Variants in L3MBTL4 observed in about 807,000 individuals in gnomAD.
L3MBTL4 encodes L3MBTL histone methyl-lysine binding protein 4.
A neutral mutation model predicts 84.5 loss-of-function variants in L3MBTL4; 70 were observed. The ratio of observed to expected loss-of-function variants is 0.83; its 90% CI spans 0.68 to 1.01. The LOEUF is 1.01. Ranked by LOEUF, L3MBTL4 falls within the 50% of genes least tolerant of loss-of-function variation. The pLI is 0.00. For synonymous variants in L3MBTL4, 274 were observed against 259.8 expected (o/e 1.05, Z -0.52); for missense variants, 715 against 754.8 (o/e 0.95, Z 0.62).
chr18:6,200,177 A>G (rs1441796293), intron 12 of L3MBTL4, among the ~76,000 whole-genome samples: 5 of 152,266 alleles, frequency 3.3e-5, no homozygotes, highest in Admixed American at 3.3e-4. Context: ...TCTTAGGTGC[A>G]AATGAGAAAT....
At chr18:6,128,621 G>A (rs1320846633) in intron 14 of L3MBTL4, among the ~76,000 whole-genome samples, 1 of 152,122 alleles carries the variant, frequency 6.6e-6, no homozygotes. Flanking sequence ...GAAGGAAAAG[G>A]ACTTCCAACT....
intron 16 of L3MBTL4, chr18:6,046,876 T>C (rs2056646023): frequency 1.7e-6 from 1 of 600,786 alleles, no homozygotes. Flanking sequence ...ACCCCAAAAC[T>C]AGCAGAAGAA....
intron 12 of L3MBTL4, among the ~76,000 whole-genome samples, chr18:6,192,412 G>A (rs770995569): frequency 4.6e-5 from 7 of 152,104 alleles, no homozygotes; most frequent in South Asian, 4.2e-4. Context: ...AATGTGGAAG[G>A]TTCATCCATA....
intron 15 of L3MBTL4, among the ~76,000 whole-genome samples, chr18:6,087,103 T>C (rs1332392819): frequency 6.6e-6 from 1 of 152,232 alleles, no homozygotes; most frequent in African/African-American, 2.4e-5. Context: ...TTCCCTGCTC[T>C]ATCACTAGAG....
At chr18:6,242,381 T>G (rs1451730817) in intron 7 of L3MBTL4, among the ~76,000 whole-genome samples, 1 of 152,124 alleles carries the variant, frequency 6.6e-6, no homozygotes, top group Admixed American at 6.5e-5. Flanking sequence ...AGAGTGTCCC[T>G]GCAGCCACCG....
At chr18:6,183,366 C>T (rs1333303458) in intron 12 of L3MBTL4, among the ~76,000 whole-genome samples, 1 of 152,178 alleles carries the variant, frequency 6.6e-6, no homozygotes, top group African/African-American at 2.4e-5. Flanking sequence ...CAATTTGAAG[C>T]ACTGAGGTGG....
chr18:6,034,641 A>G (rs1292010351), intron 16 of L3MBTL4, among the ~76,000 whole-genome samples: 8 of 152,222 alleles, frequency 5.3e-5, no homozygotes, highest in Admixed American at 5.2e-4. Flanking sequence ...AGCATGATTT[A>G]TAGTCCTTTG....
intron 4 of L3MBTL4, among the ~76,000 whole-genome samples, chr18:6,275,969 T>C (rs2049061975): frequency 6.6e-6 from 1 of 152,150 alleles, no homozygotes. Flanking sequence ...AAAAGCCACA[T>C]ACCTCCCTCA....
intron 1 of L3MBTL4, among the ~76,000 whole-genome samples, chr18:6,406,396 G>A (rs1228069571): frequency 1.3e-5 from 2 of 151,140 alleles, no homozygotes; most frequent in Non-Finnish European, 3.0e-5. Context: ...AAGGAGTTTT[G>A]AATTGATAAA....
At chr18:6,331,756 A>G (rs16949936) in intron 1 of L3MBTL4, among the ~76,000 whole-genome samples, 7,250 of 152,174 alleles carry the variant, frequency 0.048, 491 homozygotes, top group African/African-American at 0.15. Context: ...AAAATGCATA[A>G]TACAGTATGA....
At chr18:6,221,555 C>A (rs544259707) in intron 10 of L3MBTL4, among the ~76,000 whole-genome samples, 268 of 152,244 alleles carry the variant, frequency 1.8e-3, no homozygotes, top group Non-Finnish European at 3.1e-3. Flanking sequence ...CAACTAACAA[C>A]GAAGTCAAAG....
intron 16 of L3MBTL4, among the ~76,000 whole-genome samples, chr18:6,024,516 T>A (rs1258539656): frequency 2.6e-5 from 4 of 152,212 alleles, no homozygotes; most frequent in Non-Finnish European, 5.9e-5. Context: ...GGATATTGTT[T>A]TGCTAAATTA....
At chr18:6,256,317 A>G (rs2048137426) in intron 5 of L3MBTL4, among the ~76,000 whole-genome samples, 1 of 152,162 alleles carries the variant, frequency 6.6e-6, no homozygotes, top group Non-Finnish European at 1.5e-5. Context: ...AATTTGGGGT[A>G]GGGTGAATTC....
chr18:6,338,692 C>A (rs1464284799), intron 1 of L3MBTL4, among the ~76,000 whole-genome samples: 1 of 151,652 alleles, frequency 6.6e-6, no homozygotes, highest in Admixed American at 6.6e-5. Flanking sequence ...AATTAAAAAA[C>A]CAAAATTATC....
chr18:6,315,947 T>C (rs1022690365), intron 1 of L3MBTL4, among the ~76,000 whole-genome samples: 3 of 152,192 alleles, frequency 2.0e-5, no homozygotes, highest in African/African-American at 7.2e-5. Flanking sequence ...TTTATGAGAA[T>C]AGCACAGGAA....
chr18:6,343,691 C>T (rs2052727013), intron 1 of L3MBTL4, among the ~76,000 whole-genome samples: 3 of 148,730 alleles, frequency 2.0e-5, no homozygotes, highest in Non-Finnish European at 4.5e-5. Context: ...AGTTGTAAAT[C>T]ATGTCAAGTA....
At chr18:6,048,679 C>T (rs760678770) in intron 16 of L3MBTL4, among the ~76,000 whole-genome samples, 1 of 151,800 alleles carries the variant, frequency 6.6e-6, no homozygotes, top group Non-Finnish European at 1.5e-5. Flanking sequence ...ATTCCAGCTA[C>T]TAGGGACACT....
At chr18:6,179,067 T>C (rs1448793865) in intron 12 of L3MBTL4, among the ~76,000 whole-genome samples, 1 of 152,228 alleles carries the variant, frequency 6.6e-6, no homozygotes, top group Non-Finnish European at 1.5e-5. Context: ...GTTATTATAA[T>C]ACCTAGGAAC....
At chr18:6,140,675 C>T (rs2060171263) in intron 13 of L3MBTL4, among the ~76,000 whole-genome samples, 2 of 152,098 alleles carry the variant, frequency 1.3e-5, no homozygotes, top group Non-Finnish European at 2.9e-5. Context: ...TCCCATTCTC[C>T]AGGATCTGTA....
Sources: allele counts gnomAD v4.1 joint callset (sites outside exome capture counted in the v4.1 genomes callset), GRCh38; gene constraint gnomAD v4.1.1; transcripts MANE v1.5; gene names NCBI Gene and HGNC (gene_info 2026-07-23, HGNC 2026-07-21).